The following TLL1 variants were observed in gnomAD, a reference collection of about 807,000 sequenced individuals.
The protein encoded by TLL1 is tolloid like 1.
In TLL1, 49 loss-of-function variants were observed where a neutral mutation model predicts 128.2. The ratio of observed to expected loss-of-function variants is 0.38; its 90% CI spans 0.30 to 0.48. The LOEUF (loss-of-function observed/expected upper bound fraction) is 0.48, where lower values mean the gene tolerates loss of function less well. Ranked by LOEUF, TLL1 falls within the 20% of genes least tolerant of loss-of-function variation. The pLI, the probability that TLL1 is intolerant of heterozygous loss-of-function variation, is 0.96. For synonymous variants in TLL1, 454 were observed against 418.8 expected (o/e 1.08, Z -1.03); for missense variants, 1,123 against 1,242.0 (o/e 0.90, Z 1.44).
chr4:166,068,890 C>T (rs1270822094), intron 16 of TLL1, among the ~76,000 whole-genome samples: 1 of 151,702 alleles, frequency 6.6e-6, no homozygotes. Flanking sequence ...AGGCATGAAA[C>T]AGTGCATGCA....
At position 166,103,798 on chromosome 4, in the gene TLL1, G is replaced by C. The variant is rs1398280169; in HGVS notation, c.*2922G>C. The C allele has an allele frequency of 2.0e-5, 3 of 149,428 alleles. No homozygotes were observed. Among genetic ancestry groups the C allele is most frequent in the African/African-American group, 2.5e-5 (1 of 40,628 alleles). The allele number at this position is 149,428 out of a possible 1,614,324, so 9.3% of individuals were successfully genotyped here. A position where few individuals can be genotyped will look rare whatever the true frequency, so the allele number is the denominator to read the frequency against. On this transcript the variant is annotated 3_prime_UTR_variant, in exon 21 of 21. Transcript: ENST00000061240. ...ATTTTCCACCCTACATCAGTATATT[G>C]GTTGTGCTTTATATTTGCCAAAGTC...
At chr4:165,917,319 G>C (rs537343200) in intron 1 of TLL1, among the ~76,000 whole-genome samples, 1 of 152,080 alleles carries the variant, frequency 6.6e-6, no homozygotes, top group Non-Finnish European at 1.5e-5. Context: ...ACACTTACAG[G>C]GTAAGAATCT....
rs75295128 is a variant in TLL1 at position 166,089,471 on chromosome 4, A to T, written c.2443-1657A>T. On this transcript the variant is annotated intron_variant, in intron 18 of 20. Transcript: ENST00000061240. ...GGTTTATGCAAACATCCATATACTT[A>T]TTCAGAATCTTCTGCATCCTACGCA... 1.4e-4 allele frequency among the ~76,000 whole-genome samples: 22 copies of T among 152,222 alleles called. No individual in the cohort carries two copies. In the East Asian group the frequency reaches 4.3e-3, roughly 30 times the overall value.
intron 1 of TLL1, among the ~76,000 whole-genome samples, chr4:165,965,779 A>G (rs1735337368): frequency 6.6e-6 from 1 of 152,322 alleles, no homozygotes; most frequent in Non-Finnish European, 1.5e-5. Flanking sequence ...ATACTTTACT[A>G]TATTGCCATC....
intron 1 of TLL1, among the ~76,000 whole-genome samples, chr4:165,982,625 CA>C (rs954371647): frequency 5.3e-5 from 8 of 150,700 alleles, no homozygotes; most frequent in African/African-American, 1.9e-4. Flanking sequence ...CAGTTTTTCT[CA>C]ACCTATCATA....
intron 1 of TLL1, among the ~76,000 whole-genome samples, chr4:165,965,318 C>T (rs933358007): frequency 2.6e-5 from 4 of 152,132 alleles, no homozygotes; most frequent in Admixed American, 2.0e-4. Flanking sequence ...TTTATGTCAA[C>T]ACCCCTTTAC....
intron 4 of TLL1, 99 bp from the exon 5 acceptor site, chr4:165,994,962 C>A: frequency 1.1e-6 from 1 of 888,336 alleles, no homozygotes; most frequent in Non-Finnish European, 1.8e-6. Context: ...ATAGTGGTGG[C>A]ATTCTGCACT....
intron 1 of TLL1, among the ~76,000 whole-genome samples, chr4:165,926,739 G>C (rs141503342): frequency 6.6e-6 from 1 of 152,052 alleles, no homozygotes; most frequent in South Asian, 2.1e-4. Context: ...CCAAAGTCAG[G>C]AGCTAGAAGC....
At chr4:166,039,053 C>T (rs1739126162) in intron 9 of TLL1, among the ~76,000 whole-genome samples, 1 of 151,808 alleles carries the variant, frequency 6.6e-6, no homozygotes, top group Non-Finnish European at 1.5e-5. Flanking sequence ...TTACAATTGT[C>T]CAGATTAACT....
chr4:165,922,396 C>T (rs1208533372), intron 1 of TLL1, among the ~76,000 whole-genome samples: 1 of 152,096 alleles, frequency 6.6e-6, no homozygotes, highest in Non-Finnish European at 1.5e-5. Flanking sequence ...CCTGTTATTA[C>T]CCTAAGGCAG....
intron 1 of TLL1, among the ~76,000 whole-genome samples, chr4:165,904,500 G>T (rs1732156925): frequency 6.6e-6 from 1 of 152,144 alleles, no homozygotes. Context: ...TAAGCAGGCA[G>T]GGAAGAAGGA....
intron 1 of TLL1, among the ~76,000 whole-genome samples, chr4:165,918,585 G>C (rs1344963236): frequency 1.3e-5 from 2 of 151,380 alleles, no homozygotes. Context: ...CTTTTCCACT[G>C]TTTCAAGAGG....
chr4:166,052,343 T>A (rs899347229), intron 12 of TLL1, among the ~76,000 whole-genome samples: 1 of 152,214 alleles, frequency 6.6e-6, no homozygotes, highest in Non-Finnish European at 1.5e-5. Flanking sequence ...TTGCCCAGGC[T>A]GGAGTGCAGT....
intron 12 of TLL1, chr4:166,053,228 G>A (rs966652003): frequency 2.0e-5 from 3 of 151,612 alleles, no homozygotes; most frequent in Admixed American, 2.0e-4. Context: ...TTACTAACTA[G>A]ACCTGTTCTT....
chr4:166,101,286 G>T lies in TLL1; in HGVS notation c.*410G>T, dbSNP rs1370313094. On this transcript the variant is annotated 3_prime_UTR_variant, in exon 21 of 21. Coordinates refer to ENST00000061240, the MANE Select transcript of TLL1 (RefSeq NM_012464.5). ...GTCGTAAACTGGAAAACAGTATTTTGGTTGTCTTAGGATAATTGCTGACTT... is the reference window on the plus strand; with the variant it reads ...GTCGTAAACTGGAAAACAGTATTTTTGTTGTCTTAGGATAATTGCTGACTT... 1.5e-5 allele frequency: 4 copies of T among 271,718 alleles called. No homozygotes were observed. Among genetic ancestry groups the T allele is most frequent in the East Asian group, 2.0e-4 (2 of 10,104 alleles). The allele number at this position is 271,718 out of a possible 1,614,324, so 16.8% of individuals were successfully genotyped here.
intron 1 of TLL1, among the ~76,000 whole-genome samples, chr4:165,960,088 T>A (rs1244818960): frequency 6.6e-6 from 1 of 152,060 alleles, no homozygotes; most frequent in African/African-American, 2.4e-5. Context: ...GGTAGATCAC[T>A]AGTTAGATTA....
intron 1 of TLL1, among the ~76,000 whole-genome samples, chr4:165,902,608 C>T (rs1732050847): frequency 6.6e-6 from 1 of 152,118 alleles, no homozygotes; most frequent in Non-Finnish European, 1.5e-5. Flanking sequence ...CCGTGGGCTG[C>T]ATCCAGTCCC....
intron 17 of TLL1, among the ~76,000 whole-genome samples, chr4:166,076,640 A>G (rs1022929504): frequency 8.5e-5 from 13 of 152,118 alleles, no homozygotes; most frequent in African/African-American, 2.4e-4. Context: ...GAGCCTCTCA[A>G]CCTAGTCTCA....
chr4:166,063,861 G>A (rs1462025302), intron 15 of TLL1, among the ~76,000 whole-genome samples: 7 of 152,030 alleles, frequency 4.6e-5, no homozygotes, highest in African/African-American at 2.4e-5. Flanking sequence ...TGGGGGGAGG[G>A]GGAAGGGATA....
Sources: gnomAD v4.1 joint callset for allele counts (sites outside exome capture counted in the v4.1 genomes callset) on GRCh38, gnomAD v4.1.1 for gene constraint, MANE v1.5 for transcripts, NCBI Gene and HGNC (gene_info 2026-07-23, HGNC 2026-07-21) for gene names.